The following HSD11B1L variants were observed in gnomAD, a reference collection of about 807,000 sequenced individuals.
HSD11B1L encodes the protein hydroxysteroid 11-beta dehydrogenase 1 like.
HSD11B1L carries 22 observed loss-of-function variants against 27.0 expected under a neutral mutation model. The observed-to-expected ratio is 0.81, with a 90% confidence interval of 0.58 to 1.16. The LOEUF is 1.16. HSD11B1L is among the 50% of genes most tolerant of loss of function. The pLI is 0.00. For missense variants in HSD11B1L, 372 were observed against 401.8 expected (o/e 0.93, Z 0.63); for synonymous variants, 187 against 189.2 (o/e 0.99, Z 0.09).
chr19:5,684,036 G>T, intron 1 of HSD11B1L: 1 of 476,282 alleles, frequency 2.1e-6, no homozygotes, highest in Non-Finnish European at 3.7e-6. Flanking sequence ...GAGTGCAATG[G>T]CAAATCTCGG....
chr19:5,686,834 C>T, intron 4 of HSD11B1L, 66 bp from the exon 5 acceptor site: 2 of 1,343,458 alleles, frequency 1.5e-6, no homozygotes, highest in African/African-American at 2.9e-5. Context: ...GAGCTAAGCT[C>T]GGGGGCGGGG....
rs5826895 is a variant in HSD11B1L at position 5,682,810 on chromosome 19, C to CTTT, written c.-15+1563_-15+1565dup. Among the ~76,000 whole-genome samples, 14 of 95,380 alleles carry CTTT rather than the reference C, an allele frequency of 1.5e-4. 1 individual carries two copies. Among genetic ancestry groups the CTTT allele is most frequent in the African/African-American group, 3.1e-4 (7 of 22,620 alleles). 62.6% of individuals were successfully genotyped at this position (95,380 alleles called of 152,430 possible). ...AGTCCCCTTCCCCTTGTCCCATTGACTTTTTTTTTTTTTTTTTTTTTTTTT... is the reference window on the plus strand; with the variant it reads ...AGTCCCCTTCCCCTTGTCCCATTGACTTTTTTTTTTTTTTTTTTTTTTTTTTTT... On this transcript the variant is annotated intron_variant, in intron 1 of 7. Transcript: ENST00000339423.
rs561871886 is a variant in HSD11B1L, at chr19:5,684,639, C to T, written c.-14-180C>T. ...AGGGTGGAGGGGGAGGGTGCAGGTG[C>T]GGTGGTTCATGGAGCCGCGGTGGTT... On this transcript the variant is annotated intron_variant, in intron 1 of 7. Transcript: ENST00000339423. The T allele has an allele frequency of 1.8e-5, 15 of 811,684 alleles. No homozygotes were observed. The East Asian group carries it at 1.9e-4, about 10-fold the overall frequency. 50.3% of individuals were successfully genotyped at this position (811,684 alleles called of 1,614,324 possible). A position where few individuals can be genotyped will look rare whatever the true frequency, so the allele number is the denominator to read the frequency against.
rs141021013 is a variant in HSD11B1L at position 5,685,065 on chromosome 19, G to A, written c.150G>A (p.Ala50=). The change falls in exon 3 of 8, where the codon GCG becomes GCA. Residue 50 remains alanine, a synonymous_variant. Coordinates refer to ENST00000339423, the MANE Select transcript of HSD11B1L (RefSeq NM_198706.3). This position sits in a 1 kb window ranked among gnomAD's most constrained non-coding sequence, Gnocchi z 4.3. ...GVGEELAYHY[A]RLGSHLVLTA... is the part of the protein sequence containing the mutation. ...GTGAGGAGCTGGCCTATCACTACGC[G>A]CGTCTGGGCTCCCACCTGGTGCTCA... 64 of 1,555,108 alleles carry A rather than the reference G, an allele frequency of 4.1e-5. No homozygotes were observed. Among genetic ancestry groups the A allele is most frequent in the African/African-American group, 2.5e-4 (18 of 73,198 alleles).
In HSD11B1L at chr19:5,685,219, C is replaced by A. The variant is rs997715297; in HGVS notation, c.204+100C>A. 2.1e-6 allele frequency: 3 copies of A among 1,462,888 alleles called. No individual in the cohort carries two copies. The highest frequency in any genetic ancestry group is 2.8e-5 in the African/African-American group (2 of 71,574). The allele number at this position is 1,462,888 out of a possible 1,614,324, so 90.6% of individuals were successfully genotyped here. A position where few individuals can be genotyped will look rare whatever the true frequency, so the allele number is the denominator to read the frequency against. ...GCAATGATCCAGGCTTCCCGTGTGACCTTGGGCAAGTCGCCTAACCTCTCT... is the reference window on the plus strand; with the variant it reads ...GCAATGATCCAGGCTTCCCGTGTGAACTTGGGCAAGTCGCCTAACCTCTCT... On this transcript the variant is annotated intron_variant, in intron 3 of 7. Transcript: ENST00000339423. This position sits in a 1 kb window ranked among gnomAD's most constrained non-coding sequence, Gnocchi z 4.3.
rs1417190540 is a variant in HSD11B1L, at chr19:5,686,977, C to T, written c.394C>T (p.Arg132Cys). Residue 132 changes from arginine (R) to cysteine (C), a missense_variant, in exon 5 of 8, where the codon CGC (arginine) becomes TGC (cysteine). Arg to Cys is a radical substitution (Grantham distance 180). Transcript: ENST00000339423. ...GTRARSPQAT[R>C]WLMQVNFVSY... ...GCGAGCCCGCAGCCCCCAGGCAACTCGCTGGCTCATGCAGGTGCTCCGCTC... is the reference window on the plus strand; with the variant it reads ...GCGAGCCCGCAGCCCCCAGGCAACTTGCTGGCTCATGCAGGTGCTCCGCTC... The T allele has an allele frequency of 6.5e-7, 1 of 1,548,740 alleles. No homozygotes were observed. The highest frequency in any genetic ancestry group is 2.0e-4 in the Middle Eastern group (1 of 4,946).
At chr19:5,686,657 CG>C in intron 4 of HSD11B1L, 130 bp downstream of exon 4, 1 of 729,836 alleles carries the variant, frequency 1.4e-6, no homozygotes, top group Non-Finnish European at 2.2e-6. Context: ...GGACTGGGGG[CG>C]TGGGCGGGGT....
intron 1 of HSD11B1L, among the ~76,000 whole-genome samples, chr19:5,684,541 T>A (rs2070703232): frequency 6.6e-6 from 1 of 151,626 alleles, no homozygotes; most frequent in South Asian, 2.1e-4. Context: ...AGGAGTCTGG[T>A]TTTTATTCTA....
In HSD11B1L at chr19:5,687,026, C is replaced by G. The variant is rs2054713394; in HGVS notation, c.408+35C>G. The G allele has an allele frequency of 6.7e-7, 1 of 1,502,930 alleles. No homozygotes were observed. Among genetic ancestry groups the G allele is most frequent in the African/African-American group, 1.4e-5 (1 of 72,100 alleles). 93.1% of individuals were successfully genotyped at this position (1,502,930 alleles called of 1,614,324 possible). A position where few individuals can be genotyped will look rare whatever the true frequency, so the allele number is the denominator to read the frequency against. ...TCCTCCGCGGCCCCGGCCCGCCCCT[C>G]TATCTCAGGGACCGGTGGTCCGTTC... On this transcript the variant is annotated intron_variant, in intron 5 of 7. Transcript: ENST00000339423. The surrounding 1 kb of genome is among the most constrained non-coding windows in gnomAD (Gnocchi z 6.6).
rs1369553529 is a variant in HSD11B1L, at chr19:5,685,843, G to C, written c.205-573G>C. On this transcript the variant is annotated intron_variant, in intron 3 of 7. Transcript: ENST00000339423. This position sits in a 1 kb window ranked among gnomAD's most constrained non-coding sequence, Gnocchi z 4.3. ...CACTTGAACCCCGGAGGCAGAGGTT[G>C]CAGTGAGCCGAGATCGCACTACTGC... is the stretch of plus-strand genomic sequence containing the variant. Among the ~76,000 whole-genome samples, 1 of 152,218 alleles carries C rather than the reference G, an allele frequency of 6.6e-6. No homozygotes were observed. The highest frequency in any genetic ancestry group is 2.4e-5 in the African/African-American group (1 of 41,458).
intron 1 of HSD11B1L, among the ~76,000 whole-genome samples, chr19:5,681,806 T>C (rs900188875): frequency 1.3e-5 from 2 of 152,210 alleles, no homozygotes; most frequent in Non-Finnish European, 2.9e-5. Context: ...CATCTGGCCA[T>C]CCACCCATCC....
Position 5,688,507 on chromosome 19 carries a change from C to T in HSD11B1L, c.*562C>T, listed in dbSNP as rs1418228846. On this transcript the variant is annotated 3_prime_UTR_variant, in exon 8 of 8. Transcript: ENST00000339423. ...CCAGCCTCTTGTTCGAGAATAAAAA[C>T]TCTTCTTCTCTTGCATATCTGTTGT... is the stretch of plus-strand genomic sequence containing the variant. The T allele has an allele frequency of 1.3e-5, 4 of 303,552 alleles. No homozygotes were observed. Among genetic ancestry groups the T allele is most frequent in the Non-Finnish European group, 2.4e-5 (4 of 163,706 alleles). The allele number at this position is 303,552 out of a possible 1,614,324, so 18.8% of individuals were successfully genotyped here.
At chr19:5,684,342 T>G (rs1423174074) in intron 1 of HSD11B1L, 1 of 330,658 alleles carries the variant, frequency 3.0e-6, no homozygotes. Flanking sequence ...GCACTGAGAC[T>G]TGAAAGAAGT....
Position 5,687,182 on chromosome 19 carries a change from C to A in HSD11B1L, c.409-100C>A. ...TCGGACCCGCCTTCCGGGTTTCTGGCCCCGTCTCTGACCCGGCCCTGGCCC... is the reference window on the plus strand; with the variant it reads ...TCGGACCCGCCTTCCGGGTTTCTGGACCCGTCTCTGACCCGGCCCTGGCCC... On this transcript the variant is annotated intron_variant, in intron 5 of 7. Transcript: ENST00000339423. This position sits in a 1 kb window ranked among gnomAD's most constrained non-coding sequence, Gnocchi z 6.6. 2 of 1,356,108 alleles carry A rather than the reference C, an allele frequency of 1.5e-6. No homozygotes were observed. The highest frequency in any genetic ancestry group is 1.3e-5 in the South Asian group (1 of 78,368). 84.0% of individuals were successfully genotyped at this position (1,356,108 alleles called of 1,614,324 possible).
intron 1 of HSD11B1L, chr19:5,683,919 A>T (rs761452151): frequency 2.5e-5 from 8 of 325,450 alleles, no homozygotes; most frequent in East Asian, 9.1e-5. Flanking sequence ...TAAAAATAAA[A>T]AAATAAATAA....
rs1442550282 is a variant in HSD11B1L at position 5,687,152 on chromosome 19, C to T, written c.409-130C>T. The T allele has an allele frequency of 4.2e-6, 5 of 1,200,046 alleles. No individual in the cohort carries two copies. Among genetic ancestry groups the T allele is most frequent in the Non-Finnish European group, 5.8e-6 (5 of 854,912 alleles). 74.3% of individuals were successfully genotyped at this position (1,200,046 alleles called of 1,614,324 possible). On this transcript the variant is annotated intron_variant, in intron 5 of 7. Coordinates refer to ENST00000339423, the MANE Select transcript of HSD11B1L (RefSeq NM_198706.3). The surrounding 1 kb of genome is among the most constrained non-coding windows in gnomAD (Gnocchi z 6.6). ...CAAGCCCCTGCTCCGGCCTTGACCC[C>T]GCCCTCGGACCCGCCTTCCGGGTTT...
Position 5,688,171 on chromosome 19 carries a change from G to T in HSD11B1L, c.*226G>T. ...GGCGCCTTTGTCGGGGACTTGCAAGGCCTCACCTGTTTGGCCATGATTGAT... is the reference window on the plus strand; with the variant it reads ...GGCGCCTTTGTCGGGGACTTGCAAGTCCTCACCTGTTTGGCCATGATTGAT... On this transcript the variant is annotated 3_prime_UTR_variant, in exon 8 of 8. Coordinates refer to ENST00000339423, the MANE Select transcript of HSD11B1L (RefSeq NM_198706.3). 1 of 1,550,170 alleles carries T rather than the reference G, an allele frequency of 6.5e-7. No homozygotes were observed. Among genetic ancestry groups the T allele is most frequent in the African/African-American group, 1.4e-5 (1 of 73,066 alleles).
At chr19:5,686,614 C>CAGTAACAG in intron 4 of HSD11B1L, 87 bp downstream of exon 4, 1 of 1,042,268 alleles carries the variant, frequency 9.6e-7, no homozygotes, top group South Asian at 1.5e-5. Flanking sequence ...GGTGTGGCCA[C>CAGTAACAG]AGTAACAGGT....
In HSD11B1L at chr19:5,687,391, C is replaced by A; in HGVS notation, c.502+16C>A. ...TCGCTGCTCGGTGCGTGCACCCGGCCCCGGCTCTGCGGGACGGGGAGTGGG... is the reference window on the plus strand; with the variant it reads ...TCGCTGCTCGGTGCGTGCACCCGGCACCGGCTCTGCGGGACGGGGAGTGGG... On this transcript the variant is annotated intron_variant, in intron 6 of 7. Transcript: ENST00000339423. The surrounding 1 kb of genome is among the most constrained non-coding windows in gnomAD (Gnocchi z 6.6). The A allele has an allele frequency of 6.2e-7, 1 of 1,609,758 alleles. No individual in the cohort carries two copies. The highest frequency in any genetic ancestry group is 8.5e-7 in the Non-Finnish European group (1 of 1,179,200).
Sources: allele counts gnomAD v4.1 joint callset (sites outside exome capture counted in the v4.1 genomes callset), GRCh38; gene constraint gnomAD v4.1.1; non-coding constraint Gnocchi (gnomAD v3.1); transcripts MANE v1.5; gene names NCBI Gene and HGNC (gene_info 2026-07-23, HGNC 2026-07-21).